The following ROBO1 variants were observed in gnomAD, a reference collection of about 807,000 sequenced individuals.
The protein encoded by ROBO1 is roundabout homolog 1.
A neutral mutation model predicts 195.9 loss-of-function variants in ROBO1; 149 were observed. That is an observed-to-expected ratio of 0.76 (90% CI 0.67 to 0.87). ROBO1 has a LOEUF of 0.87. Ranked by LOEUF, ROBO1 falls within the 40% of genes least tolerant of loss-of-function variation. The pLI is 0.00. For missense variants in ROBO1, 1,933 were observed against 2,068.3 expected (o/e 0.93, Z 1.27); for synonymous variants, 816 against 733.2 (o/e 1.11, Z -1.82).
At chr3:78,841,344 T>G (rs2033185052) in intron 4 of ROBO1, among the ~76,000 whole-genome samples, 1 of 152,186 alleles carries the variant, frequency 6.6e-6, no homozygotes, top group South Asian at 2.1e-4. Flanking sequence ...TTCTTACTGC[T>G]GGACCATTTG....
chr3:78,803,715 A>C (rs1432617826), intron 4 of ROBO1, among the ~76,000 whole-genome samples: 1 of 152,164 alleles, frequency 6.6e-6, no homozygotes, highest in Non-Finnish European at 1.5e-5. Flanking sequence ...ATAAAGAATG[A>C]CAACACAGGA....
intron 1 of ROBO1, among the ~76,000 whole-genome samples, chr3:79,749,087 C>T (rs56331345): frequency 0.033 from 5,031 of 152,096 alleles, 130 homozygotes; most frequent in Admixed American, 0.078. Flanking sequence ...TGGCTTTGAC[C>T]GAAAGGCTGA....
chr3:79,271,408 C>G (rs1417320632), intron 2 of ROBO1, among the ~76,000 whole-genome samples: 1 of 152,028 alleles, frequency 6.6e-6, no homozygotes, highest in Admixed American at 6.6e-5. Flanking sequence ...ATTGACCAAA[C>G]CAATAGTCCA....
At chr3:78,972,870 T>C (rs528509075) in intron 3 of ROBO1, among the ~76,000 whole-genome samples, 1 of 152,326 alleles carries the variant, frequency 6.6e-6, no homozygotes, top group African/African-American at 2.4e-5. Flanking sequence ...GAATCCTTCC[T>C]GGGATTTTCC....
intron 4 of ROBO1, among the ~76,000 whole-genome samples, chr3:78,918,891 C>G (rs148373325): frequency 6.6e-6 from 1 of 152,230 alleles, no homozygotes; most frequent in East Asian, 1.9e-4. Context: ...GGCAATTGTC[C>G]TAATCTAGGT....
intron 4 of ROBO1, among the ~76,000 whole-genome samples, chr3:78,878,529 A>T (rs1160890411): frequency 7.2e-6 from 1 of 139,614 alleles, no homozygotes; most frequent in Non-Finnish European, 1.5e-5. Context: ...GATTGCAGTG[A>T]GCCGAGATCA....
intron 14 of ROBO1, among the ~76,000 whole-genome samples, chr3:78,666,554 G>T (rs758125022): frequency 6.6e-6 from 1 of 152,136 alleles, no homozygotes; most frequent in Non-Finnish European, 1.5e-5. Context: ...CTTTACAAAT[G>T]TGTATCTAAT....
chr3:79,496,469 C>T (rs569986064), intron 2 of ROBO1, among the ~76,000 whole-genome samples: 4 of 136,210 alleles, frequency 2.9e-5, no homozygotes, highest in East Asian at 4.4e-4. Flanking sequence ...CTGCAAGCTC[C>T]GCTTCCCGGG....
intron 1 of ROBO1, among the ~76,000 whole-genome samples, chr3:79,662,120 C>T (rs1181267480): frequency 1.3e-5 from 2 of 151,962 alleles, no homozygotes; most frequent in Non-Finnish European, 2.9e-5. Flanking sequence ...ACCGTGGCTG[C>T]TATTACACAC....
In ROBO1 at chr3:79,000,004, T is replaced by C. The variant is rs570215812; in HGVS notation, c.173-61077A>G. ...GTGTGTGTTCATCATATTCTAATTA[T>C]TCATATGCCTTCCTCAATTATTAGA... On this transcript the variant is annotated intron_variant, in intron 3 of 30. Transcript: ENST00000464233. Among the ~76,000 whole-genome samples the C allele has an allele frequency of 9.2e-5, 14 of 152,274 alleles. No homozygotes were observed. In the South Asian group the frequency reaches 2.9e-3, roughly 32 times the overall value.
At chr3:79,105,537 A>C (rs2108519381) in intron 3 of ROBO1, among the ~76,000 whole-genome samples, 1 of 151,862 alleles carries the variant, frequency 6.6e-6, no homozygotes, top group African/African-American at 2.4e-5. Context: ...AAAAGTAAGT[A>C]TTCCAAGATT....
At chr3:78,604,234 C>A (rs531003526) in intron 29 of ROBO1, among the ~76,000 whole-genome samples, 3 of 152,122 alleles carry the variant, frequency 2.0e-5, no homozygotes, top group African/African-American at 7.2e-5. Context: ...CCACACCCAG[C>A]TAATTTTTTT....
chr3:79,601,133 A>C (rs1357817587), intron 1 of ROBO1, among the ~76,000 whole-genome samples: 1 of 151,980 alleles, frequency 6.6e-6, no homozygotes. Flanking sequence ...AACATTAGAG[A>C]TGGAATTCGA....
At chr3:78,662,313 G>A (rs1263401399) in intron 14 of ROBO1, among the ~76,000 whole-genome samples, 199 bp from the exon 15 acceptor site, 1 of 151,736 alleles carries the variant, frequency 6.6e-6, no homozygotes, top group East Asian at 1.9e-4. Flanking sequence ...GATAGAGAGA[G>A]TAGAGAGAAC....
chr3:78,736,478 T>G (rs1450143834), intron 5 of ROBO1, among the ~76,000 whole-genome samples: 1 of 152,120 alleles, frequency 6.6e-6, no homozygotes, highest in Non-Finnish European at 1.5e-5. Flanking sequence ...ATGGCTCCTC[T>G]GAGGAAGTTG....
chr3:79,020,662 C>G (rs2078081681), intron 3 of ROBO1, among the ~76,000 whole-genome samples: 1 of 152,156 alleles, frequency 6.6e-6, no homozygotes, highest in Non-Finnish European at 1.5e-5. Flanking sequence ...CCACTGCACT[C>G]CAGCCTGGGC....
chr3:78,785,408 C>T (rs921169833), intron 4 of ROBO1, among the ~76,000 whole-genome samples: 2 of 152,178 alleles, frequency 1.3e-5, no homozygotes, highest in Non-Finnish European at 2.9e-5. Flanking sequence ...CCTACCCATA[C>T]AAAATCGCTA....
chr3:78,766,177 G>T (rs902436347), intron 4 of ROBO1, among the ~76,000 whole-genome samples: 5 of 152,016 alleles, frequency 3.3e-5, no homozygotes, highest in African/African-American at 1.2e-4. Flanking sequence ...AAATAATTTT[G>T]TTTAAAAATG....
intron 2 of ROBO1, among the ~76,000 whole-genome samples, chr3:79,348,125 T>C (rs979483960): frequency 6.6e-6 from 1 of 150,666 alleles, no homozygotes; most frequent in African/African-American, 2.4e-5. Flanking sequence ...ACAGGCAGAT[T>C]GCTTGAACCC....
Sources: gnomAD v4.1 joint callset for allele counts (sites outside exome capture counted in the v4.1 genomes callset) on GRCh38, gnomAD v4.1.1 for gene constraint, MANE v1.5 for transcripts, NCBI Gene and HGNC (gene_info 2026-07-23, HGNC 2026-07-21) for gene names.